Variants in PCDH15 observed in about 807,000 individuals in gnomAD.
PCDH15 encodes the protein protocadherin-15.
In PCDH15, 129 loss-of-function variants were observed where a neutral mutation model predicts 178.5. The observed-to-expected ratio is 0.72, with a 90% CI of 0.63 to 0.84. The LOEUF (loss-of-function observed/expected upper bound fraction) is 0.84. PCDH15 is among the 40% of genes least tolerant of loss of function. PCDH15 has a pLI of 0.00. For missense variants in PCDH15, 2,230 were observed against 2,099.9 expected (o/e 1.06, Z -1.21); for synonymous variants, 800 against 732.0 (o/e 1.09, Z -1.50).
At chr10:54,028,174 A>C (rs1267705332) in intron 18 of PCDH15, among the ~76,000 whole-genome samples, 1 of 149,060 alleles carries the variant, frequency 6.7e-6, no homozygotes, top group Admixed American at 6.7e-5. Context: ...GCAGCCAAAA[A>C]ACACATGAAA....
At chr10:55,524,227 T>C (rs941266972) in intron 2 of PCDH15, among the ~76,000 whole-genome samples, 6 of 151,602 alleles carry the variant, frequency 4.0e-5, no homozygotes, top group Non-Finnish European at 8.9e-5. Flanking sequence ...TCGGTTTACT[T>C]TGTGGGCACT....
intron 2 of PCDH15, among the ~76,000 whole-genome samples, chr10:55,018,355 C>T (rs1461161751): frequency 6.6e-6 from 1 of 152,084 alleles, no homozygotes; most frequent in Non-Finnish European, 1.5e-5. Flanking sequence ...GTTGTATTTG[C>T]ACCTAACCTA....
At position 54,157,797 on chromosome 10, in the gene PCDH15, G is replaced by A. The variant is rs142210460; in HGVS notation, c.1591-4504C>T. Among the ~76,000 whole-genome samples the A allele has an allele frequency of 2.6e-5, 4 of 152,268 alleles. No individual in the cohort carries two copies. The East Asian group carries it at 7.7e-4, about 29-fold the overall frequency. ...ACAGCACCCAAGACACCTCATGAATGTTTTGCTGCTAAGAAATTTATTCCG... is the reference window on the plus strand; with the variant it reads ...ACAGCACCCAAGACACCTCATGAATATTTTGCTGCTAAGAAATTTATTCCG... On this transcript the variant is annotated intron_variant, in intron 13 of 37. Transcript: ENST00000644397.
intron 11 of PCDH15, among the ~76,000 whole-genome samples, chr10:54,188,993 T>G (rs1341607064): frequency 6.6e-6 from 1 of 152,052 alleles, no homozygotes; most frequent in South Asian, 2.1e-4. Flanking sequence ...TTCAAAAAAA[T>G]TCAATTTCAA....
chr10:55,034,696 A>T (rs1003032224), intron 2 of PCDH15, among the ~76,000 whole-genome samples: 1 of 152,192 alleles, frequency 6.6e-6, no homozygotes, highest in African/African-American at 2.4e-5. Flanking sequence ...ATTTACATTT[A>T]ATTTCTAGAA....
chr10:54,925,758 G>A (rs1837606223), intron 2 of PCDH15, among the ~76,000 whole-genome samples: 1 of 152,148 alleles, frequency 6.6e-6, no homozygotes, highest in Non-Finnish European at 1.5e-5. Context: ...TTCTGATGAT[G>A]TATAGACATG....
rs140788952 is a variant in PCDH15 at position 55,005,897 on chromosome 10, T to C, written c.-79-108397A>G. On this transcript the variant is annotated intron_variant, in intron 2 of 5. Transcript: ENST00000458638. ...ACTAGAGCAGAACTATTTTGCTCTATAAATATTCCATTATCTGCATCATTC... is the reference window on the plus strand; with the variant it reads ...ACTAGAGCAGAACTATTTTGCTCTACAAATATTCCATTATCTGCATCATTC... 4.3e-3 allele frequency among the ~76,000 whole-genome samples: 648 copies of C among 152,170 alleles called. 3 individuals are homozygous for C. Among genetic ancestry groups the C allele is most frequent in the African/African-American group, 0.015 (629 of 41,552 alleles).
intron 2 of PCDH15, among the ~76,000 whole-genome samples, chr10:54,659,089 C>T (rs1190145001): frequency 6.6e-6 from 1 of 151,970 alleles, no homozygotes; most frequent in African/African-American, 2.4e-5. Flanking sequence ...TATATGCACC[C>T]AACACCATAG....
chr10:55,214,402 G>GTT (rs1408518136), intron 1 of PCDH15, among the ~76,000 whole-genome samples: 3 of 151,502 alleles, frequency 2.0e-5, no homozygotes, highest in Non-Finnish European at 2.9e-5. Context: ...CAGTTACATT[G>GTT]TTTTTTCTTT....
chr10:55,095,731 T>A (rs1377831791), intron 2 of PCDH15, among the ~76,000 whole-genome samples: 2 of 152,134 alleles, frequency 1.3e-5, no homozygotes, highest in Admixed American at 1.3e-4. Flanking sequence ...ACATTTGGTT[T>A]TACTTTAACA....
rs187540087 is a variant in PCDH15 at position 54,252,222 on chromosome 10, C to A, written c.877-15291G>T. Among the ~76,000 whole-genome samples the A allele has an allele frequency of 3.3e-5, 5 of 152,226 alleles. No homozygotes were observed. In the East Asian group the frequency reaches 9.7e-4, roughly 29 times the overall value. On this transcript the variant is annotated intron_variant, in intron 8 of 37. Coordinates refer to ENST00000644397, the MANE Select transcript of PCDH15 (RefSeq NM_001384140.1). Reference sequence around the variant, plus strand: ...AGACCCCTTGTTTCTAGTGTTGATGCAACTTGTCATCCCTTTTTGCTGTCT... The same window carrying A: ...AGACCCCTTGTTTCTAGTGTTGATGAAACTTGTCATCCCTTTTTGCTGTCT...
intron 2 of PCDH15, among the ~76,000 whole-genome samples, chr10:55,353,782 C>G (rs1378642524): frequency 1.3e-5 from 2 of 152,092 alleles, no homozygotes; most frequent in Non-Finnish European, 2.9e-5. Context: ...GTACAAAACC[C>G]TCCTTGGTGC....
At position 54,369,200 on chromosome 10, in the gene PCDH15, C is replaced by A. The variant is rs1393531995; in HGVS notation, c.394G>T (p.Glu132Ter). ...NKKVGTIIYHEVRIVVRDRND... is the reference protein window; with the variant it reads ...NKKVGTIIYH ...CTGTCTCTCACCACTATTCGCACTT[C>A]ATGGTAGATAATAGTGCCCACTTTT... The change falls in exon 5 of 38, where the codon GAA becomes TAA. Residue 132 changes from glutamate (E) to a stop codon, truncating the protein, a stop_gained. Coordinates refer to ENST00000644397, the MANE Select transcript of PCDH15 (RefSeq NM_001384140.1). LOFTEE classifies it high-confidence loss of function. 1 of 1,613,008 alleles carries A rather than the reference C, an allele frequency of 6.2e-7. No individual in the cohort carries two copies. Among genetic ancestry groups the A allele is most frequent in the South Asian group, 1.1e-5 (1 of 91,050 alleles).
intron 1 of PCDH15, among the ~76,000 whole-genome samples, chr10:54,770,566 A>G: frequency 6.6e-6 from 1 of 152,096 alleles, no homozygotes; most frequent in Admixed American, 6.5e-5. Flanking sequence ...GACATTTAGG[A>G]TATGTACCTG....
chr10:54,740,784 C>G (rs1455529768), intron 1 of PCDH15, among the ~76,000 whole-genome samples: 2 of 151,864 alleles, frequency 1.3e-5, no homozygotes, highest in African/African-American at 4.8e-5. Flanking sequence ...AAACAAATAT[C>G]CCATGTTCTC....
At chr10:55,328,563 T>C (rs184440245) in intron 2 of PCDH15, among the ~76,000 whole-genome samples, 21 of 151,782 alleles carry the variant, frequency 1.4e-4, no homozygotes, top group African/African-American at 5.1e-4. Context: ...ATTGGCATCA[T>C]TATTCAGCAC....
chr10:53,850,557 C>T (rs1307235563), intron 28 of PCDH15, among the ~76,000 whole-genome samples: 2 of 152,008 alleles, frequency 1.3e-5, no homozygotes, highest in African/African-American at 2.4e-5. Context: ...AGCTTAGTCA[C>T]ACTTAACCTT....
intron 31 of PCDH15, 117 bp from the exon 32 acceptor site, chr10:53,827,665 C>CACAA: frequency 8.6e-7 from 1 of 1,169,162 alleles, no homozygotes; most frequent in Non-Finnish European, 1.2e-6. Flanking sequence ...AATTATTTTA[C>CACAA]ACAAACATCA....
intron 2 of PCDH15, among the ~76,000 whole-genome samples, chr10:55,437,152 G>T (rs1839060671): frequency 6.6e-6 from 1 of 152,086 alleles, no homozygotes; most frequent in Non-Finnish European, 1.5e-5. Flanking sequence ...CACATCAACA[G>T]GAAAATCAAA....
Sources: allele counts gnomAD v4.1 joint callset (sites outside exome capture counted in the v4.1 genomes callset), GRCh38; gene constraint gnomAD v4.1.1; transcripts MANE v1.5; gene names NCBI Gene and HGNC (gene_info 2026-07-23, HGNC 2026-07-21).